Variants in PTTG1IP2 observed in about 807,000 individuals in gnomAD.
PTTG1IP2 encodes PTTG1IP family member 2.
chr7:90,493,197 A>G (rs1204828090), intron 5 of PTTG1IP2, among the ~76,000 whole-genome samples: 1 of 152,146 alleles, frequency 6.6e-6, no homozygotes, highest in Non-Finnish European at 1.5e-5. Context: ...CAGGGGCATA[A>G]TGATAGGGAA....
At chr7:90,474,129 T>A (rs1179550653) in intron 1 of PTTG1IP2, among the ~76,000 whole-genome samples, 1 of 152,222 alleles carries the variant, frequency 6.6e-6, no homozygotes, top group Non-Finnish European at 1.5e-5. Context: ...TAGATTAGCC[T>A]ATTGCTCCTA....
chr7:90,511,080 T>A (rs990920798), intron 6 of PTTG1IP2, among the ~76,000 whole-genome samples: 2 of 152,078 alleles, frequency 1.3e-5, no homozygotes, highest in African/African-American at 2.4e-5. Context: ...GACAGTATTT[T>A]TTTTTTTTGT....
chr7:90,470,097 A>G (rs1413193391), intron 1 of PTTG1IP2, 166 bp downstream of exon 1: 1 of 152,474 alleles, frequency 6.6e-6, no homozygotes, highest in Non-Finnish European at 1.5e-5. Context: ...AAACTCAGTT[A>G]AATTGGACTC....
At chr7:90,490,026 C>A (rs1231957196) in intron 4 of PTTG1IP2, among the ~76,000 whole-genome samples, 1 of 151,882 alleles carries the variant, frequency 6.6e-6, no homozygotes, top group Non-Finnish European at 1.5e-5. Context: ...CATTCATTTT[C>A]TTCTTATAAA....
At chr7:90,513,061 G>A (rs11563421) in intron 6 of PTTG1IP2, among the ~76,000 whole-genome samples, 2 of 152,082 alleles carry the variant, frequency 1.3e-5, no homozygotes, top group African/African-American at 4.8e-5. Context: ...GAAGAAGCTT[G>A]TCATTTCCAA....
chr7:90,504,444 T>C (rs983623169), intron 6 of PTTG1IP2, among the ~76,000 whole-genome samples: 1 of 152,208 alleles, frequency 6.6e-6, no homozygotes, highest in Non-Finnish European at 1.5e-5. Flanking sequence ...ACTTTCTTTA[T>C]AAAGGTCCAG....
At chr7:90,483,829 T>C (rs573220568) in intron 2 of PTTG1IP2, among the ~76,000 whole-genome samples, 6 of 152,286 alleles carry the variant, frequency 3.9e-5, no homozygotes, top group African/African-American at 1.2e-4. Context: ...ATGAGCACAT[T>C]CCTAATTCCT....
intron 2 of PTTG1IP2, among the ~76,000 whole-genome samples, chr7:90,480,558 T>A (rs1797804591): frequency 6.6e-6 from 1 of 152,140 alleles, no homozygotes; most frequent in Non-Finnish European, 1.5e-5. Flanking sequence ...GGATACCATA[T>A]CATTTTATTT....
rs187808117 is a variant in PTTG1IP2 at position 90,483,896 on chromosome 7, C to T, written c.193-3431C>T. Among the ~76,000 whole-genome samples, 21 of 152,264 alleles carry T rather than the reference C, an allele frequency of 1.4e-4. No homozygotes were observed. In the East Asian group the frequency reaches 4.0e-3, roughly 29 times the overall value. On this transcript the variant is annotated intron_variant, in intron 2 of 6. Transcript: ENST00000509356. ...CACATTTCTTCACACTGTGTCCTCACTCTTGTGCCACATCTTTCACAGTCC... is the reference window on the plus strand; with the variant it reads ...CACATTTCTTCACACTGTGTCCTCATTCTTGTGCCACATCTTTCACAGTCC...
chr7:90,473,787 G>A (rs900570015), intron 1 of PTTG1IP2, among the ~76,000 whole-genome samples: 15 of 152,276 alleles, frequency 9.9e-5, no homozygotes, highest in East Asian at 7.7e-4. Flanking sequence ...GTTATTACAG[G>A]CAGCAGCTCA....
chr7:90,494,771 A>G (rs533112517), intron 6 of PTTG1IP2, among the ~76,000 whole-genome samples: 1 of 152,296 alleles, frequency 6.6e-6, no homozygotes, highest in East Asian at 1.9e-4. Flanking sequence ...AGTCCTAACA[A>G]CTTGGTAGGC....
At chr7:90,494,646 C>T (rs4728897) in intron 6 of PTTG1IP2, among the ~76,000 whole-genome samples, 25,476 of 151,968 alleles carry the variant, frequency 0.17, 2,235 homozygotes, top group East Asian at 0.23. Flanking sequence ...CTCTGGAAGG[C>T]GGAAGAGGGA....
chr7:90,491,345 G>A (rs1335761026), intron 4 of PTTG1IP2, among the ~76,000 whole-genome samples: 2 of 152,212 alleles, frequency 1.3e-5, no homozygotes, highest in East Asian at 1.9e-4. Context: ...AGATCAGGCC[G>A]GGTGTGCTGG....
chr7:90,488,008 C>G (rs1415512176), intron 3 of PTTG1IP2, among the ~76,000 whole-genome samples: 1 of 152,060 alleles, frequency 6.6e-6, no homozygotes, highest in Non-Finnish European at 1.5e-5. Flanking sequence ...TATTAATCAT[C>G]AAAGAATCTT....
At chr7:90,471,647 C>A (rs1797688949) in intron 1 of PTTG1IP2, among the ~76,000 whole-genome samples, 1 of 152,144 alleles carries the variant, frequency 6.6e-6, no homozygotes, top group Non-Finnish European at 1.5e-5. Context: ...GGCAAGACTC[C>A]AAATGTTGCC....
chr7:90,500,366 G>T (rs1008782377), intron 6 of PTTG1IP2, among the ~76,000 whole-genome samples: 6 of 152,140 alleles, frequency 3.9e-5, no homozygotes, highest in African/African-American at 1.2e-4. Context: ...ATGAGAAAAA[G>T]AATTGATTCA....
intron 2 of PTTG1IP2, among the ~76,000 whole-genome samples, chr7:90,482,316 T>A (rs7799027): frequency 0.027 from 4,126 of 152,232 alleles, 187 homozygotes; most frequent in African/African-American, 0.092. Flanking sequence ...AGAGAATATA[T>A]ATACCAACTC....
intron 1 of PTTG1IP2, among the ~76,000 whole-genome samples, chr7:90,472,803 G>A (rs1797706767): frequency 1.3e-5 from 2 of 152,108 alleles, no homozygotes; most frequent in Admixed American, 1.3e-4. Context: ...TTCCTGGTTG[G>A]ATCCTAACTT....
intron 1 of PTTG1IP2, chr7:90,470,199 G>A (rs867350149): frequency 8.5e-5 from 13 of 152,308 alleles, no homozygotes; most frequent in Admixed American, 1.3e-4. Context: ...CTTTCTGCAT[G>A]ACCTATGACA....
Sources: allele counts gnomAD v4.1 joint callset (sites outside exome capture counted in the v4.1 genomes callset), GRCh38; gene constraint gnomAD v4.1.1; transcripts MANE v1.5; gene names NCBI Gene and HGNC (gene_info 2026-07-23, HGNC 2026-07-21).